SV2C: variants seen among roughly 807,000 people sequenced by gnomAD.
SV2C encodes synaptic vesicle glycoprotein 2C.
SV2C carries 49 observed loss-of-function variants against 79.7 expected under a neutral mutation model. The observed-to-expected ratio is 0.61, with a 90% confidence interval of 0.49 to 0.78. The LOEUF (loss-of-function observed/expected upper bound fraction) is 0.78, where lower values mean the gene tolerates loss of function less well. SV2C is among the 30% of genes least tolerant of loss of function. The pLI, the probability that SV2C is intolerant of heterozygous loss-of-function variation, is 0.00. For missense variants in SV2C, 833 were observed against 912.9 expected (o/e 0.91, Z 1.13); for synonymous variants, 334 against 333.2 (o/e 1.00, Z -0.03).
downstream of SV2C, among the ~76,000 whole-genome samples, chr5:76,337,187 T>G (rs1286681433): frequency 1.3e-5 from 2 of 152,090 alleles, no homozygotes; most frequent in Admixed American, 1.3e-4. Context: ...GAGATCCAAG[T>G]GTCAGGGAGG....
In SV2C at chr5:76,293,515, T is replaced by C. The variant is rs551278966; in HGVS notation, c.1337+1659T>C. 1.1e-3 allele frequency among the ~76,000 whole-genome samples: 173 copies of C among 152,314 alleles called. 1 individual carries two copies. The highest frequency in any genetic ancestry group is 4.1e-3 in the African/African-American group (169 of 41,578). The stretch of plus-strand genomic sequence containing the variant: ...AATTAGCCAAAAGCCCTCCACATCA[T>C]TGATGATGGATGGACATTCCAAGGT... On this transcript the variant is annotated intron_variant, in intron 8 of 12. Coordinates refer to ENST00000502798, the MANE Select transcript of SV2C (RefSeq NM_014979.4).
At chr5:76,228,255 C>T (rs1305520209) in intron 4 of SV2C, among the ~76,000 whole-genome samples, 1 of 152,162 alleles carries the variant, frequency 6.6e-6, no homozygotes, top group African/African-American at 2.4e-5. Context: ...AAATCAGATT[C>T]ACCTGGGCGT....
At chr5:76,204,783 G>C (rs115502585) in intron 3 of SV2C, among the ~76,000 whole-genome samples, 1 of 152,080 alleles carries the variant, frequency 6.6e-6, no homozygotes, top group Admixed American at 6.5e-5. Flanking sequence ...CTGAAACAGC[G>C]TACATCAGTG....
chr5:75,885,505 CACCTGTGGGATATGAGAA>C, the SV2C span, among the ~76,000 whole-genome samples: 1 of 152,084 alleles, frequency 6.6e-6, no homozygotes, highest in Non-Finnish European at 1.5e-5. Context: ...AAATCTGCAT[CACCTGTGGGATATGAGAA>C]GCAAGAAAAA....
chr5:75,986,970 T>A, the SV2C span, among the ~76,000 whole-genome samples: 1 of 151,914 alleles, frequency 6.6e-6, no homozygotes. Context: ...TTGCTGGCAA[T>A]GCTTTTAAAA....
chr5:75,922,390 A>C, the SV2C span, among the ~76,000 whole-genome samples: 2 of 152,208 alleles, frequency 1.3e-5, no homozygotes, highest in Non-Finnish European at 2.9e-5. Flanking sequence ...TAATAAAATT[A>C]AATAAAAAAA....
intron 3 of SV2C, among the ~76,000 whole-genome samples, chr5:76,206,503 T>C (rs1456140325): frequency 6.6e-6 from 1 of 152,226 alleles, no homozygotes; most frequent in African/African-American, 2.4e-5. Flanking sequence ...ACTTTCAGTC[T>C]AGCACCCTCA....
At chr5:75,981,872 T>C in the SV2C span, among the ~76,000 whole-genome samples, 1 of 151,868 alleles carries the variant, frequency 6.6e-6, no homozygotes, top group African/African-American at 2.4e-5. Context: ...ATTAATGGGA[T>C]CTAATTAAAC....
the SV2C span, among the ~76,000 whole-genome samples, chr5:76,041,174 TTAAAATTA>T: frequency 1.3e-5 from 2 of 152,246 alleles, no homozygotes; most frequent in East Asian, 3.9e-4. Flanking sequence ...TGCAACTATT[TTAAAATTA>T]TAAATCAAGC....
chr5:75,910,305 G>C, the SV2C span: 2 of 527,766 alleles, frequency 3.8e-6, no homozygotes, highest in South Asian at 2.9e-5. Flanking sequence ...CTCACACCCT[G>C]GTCAGCCAGT....
the SV2C span, among the ~76,000 whole-genome samples, chr5:75,949,538 G>A: frequency 6.6e-6 from 1 of 152,018 alleles, no homozygotes; most frequent in African/African-American, 2.4e-5. Flanking sequence ...CATGTTGTGG[G>A]AGGGACGTGG....
chr5:76,235,319 G>A (rs1745578570), intron 4 of SV2C, among the ~76,000 whole-genome samples: 1 of 152,064 alleles, frequency 6.6e-6, no homozygotes, highest in Non-Finnish European at 1.5e-5. Context: ...AGGTAAATGA[G>A]GCCCCGTTAG....
chr5:76,127,809 C>T (rs1375622968), intron 1 of SV2C, among the ~76,000 whole-genome samples: 2 of 152,180 alleles, frequency 1.3e-5, no homozygotes, highest in Admixed American at 6.5e-5. Flanking sequence ...AGCCTAGCAC[C>T]TTTGCCCGAG....
chr5:75,878,999 G>A, the SV2C span, among the ~76,000 whole-genome samples: 3 of 152,166 alleles, frequency 2.0e-5, no homozygotes, highest in South Asian at 6.2e-4. Flanking sequence ...GAGAATGGGA[G>A]CAAGAAAGAG....
At chr5:76,305,376 CAG>C (rs1748152989) in intron 12 of SV2C, among the ~76,000 whole-genome samples, 1 of 152,198 alleles carries the variant, frequency 6.6e-6, no homozygotes, top group African/African-American at 2.4e-5. Context: ...CTGAACATCT[CAG>C]GGGTGGGTTC....
the SV2C span, among the ~76,000 whole-genome samples, chr5:76,055,931 T>C: frequency 2.0e-5 from 3 of 152,334 alleles, no homozygotes; most frequent in South Asian, 6.2e-4. Context: ...TATAGAATCA[T>C]GTCATCTGCA....
the SV2C span, among the ~76,000 whole-genome samples, chr5:75,847,873 A>G: frequency 1.3e-5 from 2 of 152,212 alleles, no homozygotes; most frequent in Non-Finnish European, 2.9e-5. Flanking sequence ...TCTCCACCCT[A>G]TAAAATCTTC....
chr5:76,024,364 T>A, the SV2C span, among the ~76,000 whole-genome samples: 400 of 152,330 alleles, frequency 2.6e-3, 2 homozygotes, highest in Non-Finnish European at 3.4e-3. Flanking sequence ...AAAAATGGTG[T>A]CCCAATGTTG....
chr5:75,857,050 G>A, the SV2C span, among the ~76,000 whole-genome samples: 2 of 148,064 alleles, frequency 1.4e-5, no homozygotes, highest in East Asian at 2.0e-4. Flanking sequence ...TCTGCCTCCC[G>A]GATTCAAGCC....
Sources: gnomAD v4.1 joint callset for allele counts (sites outside exome capture counted in the v4.1 genomes callset) on GRCh38, gnomAD v4.1.1 for gene constraint, MANE v1.5 for transcripts, NCBI Gene and HGNC (gene_info 2026-07-23, HGNC 2026-07-21) for gene names.